Variants in NRCAM observed in about 807,000 individuals in gnomAD.
NRCAM encodes the protein neuronal cell adhesion molecule.
A neutral mutation model predicts 156.5 loss-of-function variants in NRCAM; 83 were observed. The observed-to-expected ratio is 0.53, with a 90% CI of 0.44 to 0.64. NRCAM has a LOEUF of 0.64. Ranked by LOEUF, NRCAM falls within the 30% of genes least tolerant of loss-of-function variation. NRCAM has a pLI of 0.00. For synonymous variants in NRCAM, 538 were observed against 563.9 expected (o/e 0.95, Z 0.65); for missense variants, 1,417 against 1,597.3 (o/e 0.89, Z 1.92).
intron 2 of NRCAM, among the ~76,000 whole-genome samples, chr7:108,382,920 C>G (rs1172469588): frequency 6.6e-6 from 1 of 152,200 alleles, no homozygotes; most frequent in Non-Finnish European, 1.5e-5. Flanking sequence ...CCCCTTCTTT[C>G]ATTTACTAGT....
At chr7:108,217,025 T>C (rs2089462923) in intron 11 of NRCAM, among the ~76,000 whole-genome samples, 1 of 151,468 alleles carries the variant, frequency 6.6e-6, no homozygotes, top group Non-Finnish European at 1.5e-5. Context: ...AGACCTTTTG[T>C]ACTGGTTTTT....
At chr7:108,301,006 C>G (rs1293001446) in intron 3 of NRCAM, among the ~76,000 whole-genome samples, 2 of 151,878 alleles carry the variant, frequency 1.3e-5, no homozygotes, top group African/African-American at 4.8e-5. Flanking sequence ...GCAAACTACA[C>G]AACATTCTCT....
chr7:108,256,256 A>C (rs1415189758), intron 3 of NRCAM, among the ~76,000 whole-genome samples: 7 of 151,404 alleles, frequency 4.6e-5, no homozygotes, highest in Non-Finnish European at 1.0e-4. Context: ...TAGACATAGG[A>C]GACTCCATTT....
In NRCAM at chr7:108,148,730, G is replaced by A. The variant is rs2039916732; in HGVS notation, c.*1180C>T. 1 of 152,588 alleles carries A rather than the reference G, an allele frequency of 6.6e-6. No homozygotes were observed. The highest frequency in any genetic ancestry group is 1.5e-5 in the Non-Finnish European group (1 of 68,022). 9.5% of individuals were successfully genotyped at this position (152,588 alleles called of 1,614,324 possible). A position where few individuals can be genotyped will look rare whatever the true frequency, so the allele number is the denominator to read the frequency against. ...GAGAATAATATATTACTGTTGGCAT[G>A]CTGTTGTATGCTTTTAGTGTTGGAA... On this transcript the variant is annotated 3_prime_UTR_variant, in exon 33 of 33. Coordinates refer to ENST00000379028, the MANE Select transcript of NRCAM (RefSeq NM_001037132.4).
chr7:108,234,433 T>C (rs1423316064), intron 6 of NRCAM, 150 bp downstream of exon 6: 3 of 610,564 alleles, frequency 4.9e-6, no homozygotes, highest in Admixed American at 6.1e-5. Flanking sequence ...AAGGGCAATC[T>C]AGTGAGTCAC....
chr7:108,230,952 A>T (rs777023345), intron 8 of NRCAM, 79 bp downstream of exon 8: 3 of 1,123,638 alleles, frequency 2.7e-6, no homozygotes, highest in African/African-American at 1.6e-5. Context: ...TTTATGAATC[A>T]TAAGAGGTAA....
At chr7:108,421,395 C>T (rs1809593978) in intron 1 of NRCAM, among the ~76,000 whole-genome samples, 1 of 152,044 alleles carries the variant, frequency 6.6e-6, no homozygotes, top group Non-Finnish European at 1.5e-5. Context: ...ATCATATATT[C>T]AAATGTTGAT....
At chr7:108,183,520 C>T (rs999761954) in intron 22 of NRCAM, among the ~76,000 whole-genome samples, 1 of 151,688 alleles carries the variant, frequency 6.6e-6, no homozygotes, top group Non-Finnish European at 1.5e-5. Flanking sequence ...TGGCTTGGTG[C>T]ATGTCTTCCA....
intron 3 of NRCAM, among the ~76,000 whole-genome samples, chr7:108,288,673 C>G (rs551595638): frequency 7.2e-5 from 11 of 152,130 alleles, no homozygotes; most frequent in Non-Finnish European, 1.3e-4. Flanking sequence ...ACCTGTCCCA[C>G]TTCTATTTAA....
At chr7:108,174,972 G>C (rs992291400) in intron 28 of NRCAM, among the ~76,000 whole-genome samples, 2 of 152,200 alleles carry the variant, frequency 1.3e-5, no homozygotes, top group Non-Finnish European at 2.9e-5. Flanking sequence ...TTTCATCACA[G>C]GGCTAATATT....
intron 4 of NRCAM, among the ~76,000 whole-genome samples, chr7:108,238,479 C>T (rs2095289101): frequency 6.6e-6 from 1 of 152,146 alleles, no homozygotes; most frequent in Non-Finnish European, 1.5e-5. Flanking sequence ...TCTGTCGTTA[C>T]TACTTGCAAA....
chr7:108,386,667 G>C (rs908268258), intron 2 of NRCAM, among the ~76,000 whole-genome samples: 1 of 152,020 alleles, frequency 6.6e-6, no homozygotes, highest in African/African-American at 2.4e-5. Flanking sequence ...CATACATAAA[G>C]ACACCTATTC....
At chr7:108,279,496 T>G (rs931305890) in intron 3 of NRCAM, among the ~76,000 whole-genome samples, 5 of 151,664 alleles carry the variant, frequency 3.3e-5, no homozygotes, top group Non-Finnish European at 1.5e-5. Flanking sequence ...GTGTGACTTA[T>G]GCAACACTGT....
chr7:108,346,582 C>G (rs7812138), intron 2 of NRCAM, among the ~76,000 whole-genome samples: 11,381 of 152,204 alleles, frequency 0.075, 434 homozygotes, highest in East Asian at 0.11. Flanking sequence ...ATCCTACCTC[C>G]TACTCTATTG....
intron 3 of NRCAM, among the ~76,000 whole-genome samples, chr7:108,270,751 C>T (rs543050550): frequency 2.6e-5 from 4 of 152,238 alleles, no homozygotes; most frequent in African/African-American, 9.6e-5. Context: ...GGACATTACG[C>T]CAAGTGAAAT....
At chr7:108,326,139 T>C (rs1255508647) in intron 2 of NRCAM, among the ~76,000 whole-genome samples, 1 of 152,186 alleles carries the variant, frequency 6.6e-6, no homozygotes, top group Non-Finnish European at 1.5e-5. Flanking sequence ...CACACGTATG[T>C]GTAAAAATCT....
chr7:108,283,470 A>G (rs977622301), intron 3 of NRCAM, among the ~76,000 whole-genome samples: 3 of 152,226 alleles, frequency 2.0e-5, no homozygotes, highest in Non-Finnish European at 4.4e-5. Context: ...TGGACTTTGA[A>G]GCACTTGTTC....
At chr7:108,155,042 C>T (rs1163973801) in intron 32 of NRCAM, among the ~76,000 whole-genome samples, 2 of 148,772 alleles carry the variant, frequency 1.3e-5, no homozygotes, top group East Asian at 3.9e-4. Flanking sequence ...AGGAGAGTTT[C>T]CCAAATGATA....
At chr7:108,280,552 A>T (rs2097816009) in intron 3 of NRCAM, among the ~76,000 whole-genome samples, 1 of 152,230 alleles carries the variant, frequency 6.6e-6, no homozygotes. Flanking sequence ...CCCTAAATAT[A>T]TCTGAAGTGA....
Sources: gnomAD v4.1 joint callset for allele counts (sites outside exome capture counted in the v4.1 genomes callset) on GRCh38, gnomAD v4.1.1 for gene constraint, MANE v1.5 for transcripts, NCBI Gene and HGNC (gene_info 2026-07-23, HGNC 2026-07-21) for gene names.